Variants in TSPAN1 observed in about 807,000 individuals in gnomAD.
TSPAN1 encodes tetraspanin 1.
A neutral mutation model predicts 26.9 loss-of-function variants in TSPAN1; 23 were observed. The observed-to-expected ratio is 0.85, with a 90% CI of 0.62 to 1.21. TSPAN1 has a LOEUF of 1.21. Among genes scored for constraint, TSPAN1 ranks in the 50% most tolerant of loss-of-function variants. The probability of loss-of-function intolerance (pLI) is 0.00; values close to 1 mark genes in which losing one functional copy is unlikely to be tolerated. For synonymous variants in TSPAN1, 115 were observed against 114.8 expected, an observed-to-expected ratio of 1.00 and a Z score of -0.01; for missense variants, 283 against 298.4, an observed-to-expected ratio of 0.95 and a Z score of 0.38.
At chr1:46,192,756 G>A in the TSPAN1 span, 57 of 1,580,208 alleles carry the variant, frequency 3.6e-5, no homozygotes, top group Non-Finnish European at 2.7e-5. Context: ...TTCAACAGCA[G>A]CCCCAACACC....
chr1:46,195,748 C>G, the TSPAN1 span: 10 of 1,435,796 alleles, frequency 7.0e-6, no homozygotes, highest in Admixed American at 5.9e-5. Context: ...GGCAGAGAAG[C>G]CGGGGCTAGA....
downstream of TSPAN1, chr1:46,190,052 G>A (rs1163443348): frequency 6.3e-7 from 1 of 1,587,844 alleles, no homozygotes; most frequent in Middle Eastern, 1.8e-4. Context: ...TGTCCCACAG[G>A]ACCCTGTACT....
downstream of TSPAN1, chr1:46,189,899 T>G (rs1334385300): frequency 6.2e-7 from 1 of 1,613,952 alleles, no homozygotes; most frequent in East Asian, 2.2e-5. Context: ...CTTTCTCCAT[T>G]CGAATAAAGG....
In TSPAN1 at chr1:46,181,114, T is replaced by C. The variant is rs748425508; in HGVS notation, c.7T>C (p.Cys3Arg). 14 of 1,613,834 alleles carry C rather than the reference T, an allele frequency of 8.7e-6. No homozygotes were observed. The Admixed American group carries it at 2.3e-4, about 27-fold the overall frequency. MQ[C>R]FSFIKTMMIL... is the part of the protein sequence containing the mutation. ...CTACCTCCCAGGAGCCACCATGCAG[T>C]GCTTCAGCTTCATTAAGACCATGAT... The change falls in exon 3 of 9, where the codon TGC becomes CGC. Residue 3 changes from cysteine (C) to arginine (R), a missense_variant. By Grantham distance (180) the Cys-to-Arg change is radical. Transcript: ENST00000372003.
chr1:46,187,467 C>G (rs1388697636), downstream of TSPAN1, among the ~76,000 whole-genome samples: 1 of 152,156 alleles, frequency 6.6e-6, no homozygotes, highest in East Asian at 1.9e-4. Flanking sequence ...CTGAGCTTTT[C>G]CAGGGCAGCC....
chr1:46,190,430 G>T, downstream of TSPAN1: 1 of 1,537,502 alleles, frequency 6.5e-7, no homozygotes, highest in South Asian at 1.1e-5. Flanking sequence ...CCCAGTATTT[G>T]ACTCTTTGCT....
At chr1:46,184,488 C>A in intron 4 of TSPAN1, 91 bp downstream of exon 4, 1 of 1,605,238 alleles carries the variant, frequency 6.2e-7, no homozygotes, top group Non-Finnish European at 8.5e-7. Flanking sequence ...GCTTTGGACC[C>A]CCCTAGGCTC....
At position 46,185,791 on chromosome 1, in the gene TSPAN1, C is replaced by T; in HGVS notation, c.*258C>T. 1 of 573,456 alleles carries T rather than the reference C, an allele frequency of 1.7e-6. No individual in the cohort carries two copies. Among genetic ancestry groups the T allele is most frequent in the Middle Eastern group, 4.7e-4 (1 of 2,140 alleles). 35.5% of individuals were successfully genotyped at this position (573,456 alleles called of 1,614,324 possible). Reference sequence around the variant, plus strand: ...GGTAGCCAGTTCTGTTGCCCATTCCCCCAGTCTATTAAACCCTTGATATGC... The same window carrying T: ...GGTAGCCAGTTCTGTTGCCCATTCCTCCAGTCTATTAAACCCTTGATATGC... On this transcript the variant is annotated 3_prime_UTR_variant, in exon 9 of 9. Coordinates refer to ENST00000372003, the MANE Select transcript of TSPAN1 (RefSeq NM_005727.4).
the TSPAN1 span, chr1:46,194,049 C>T: frequency 6.4e-7 from 1 of 1,551,662 alleles, no homozygotes; most frequent in Non-Finnish European, 8.7e-7. Context: ...GATAGAGGAT[C>T]TTCCCTGTTC....
intron 1 of TSPAN1, chr1:46,176,301 A>T (rs1657157231): frequency 1.3e-6 from 2 of 1,535,784 alleles, no homozygotes; most frequent in Non-Finnish European, 1.7e-6. Context: ...TGGTGGCAGG[A>T]TTGATGGCTG....
At chr1:46,195,796 G>A in the TSPAN1 span, 115 of 1,574,116 alleles carry the variant, frequency 7.3e-5, no homozygotes, top group African/African-American at 1.4e-3. Context: ...TCAGGGTCAG[G>A]ACAGAATAAC....
At chr1:46,184,925 G>T in intron 6 of TSPAN1, 35 bp from the exon 7 acceptor site, 2 of 1,614,084 alleles carry the variant, frequency 1.2e-6, no homozygotes, top group African/African-American at 2.7e-5. Context: ...AGAGAAAGAA[G>T]CAAGGCCCCA....
chr1:46,196,175 C>T, the TSPAN1 span: 680 of 1,588,766 alleles, frequency 4.3e-4, 4 homozygotes, highest in Non-Finnish European at 2.7e-5. The surrounding 1 kb of genome is among the most constrained non-coding windows in gnomAD (Gnocchi z 4.4). Flanking sequence ...GAAACATCAC[C>T]TCCTGCCTAT....
At chr1:46,183,971 C>T in intron 3 of TSPAN1, 5 of 598,278 alleles carry the variant, frequency 8.4e-6, no homozygotes, top group Non-Finnish European at 1.5e-5. Context: ...CCCTGATCTC[C>T]TTTATATCTG....
Position 46,184,801 on chromosome 1 carries a change from CG to C in TSPAN1, c.357del (p.Leu120CysfsTer3), listed in dbSNP as rs776058739. Reference sequence around the variant, plus strand: ...CTCACCCAGGCTGAGCACTTCCTGACGTTGCTGGTAGTGCCTGCCATCAAGA... The same window carrying C: ...CTCACCCAGGCTGAGCACTTCCTGACTTGCTGGTAGTGCCTGCCATCAAGA... ...VYTTMAEHFL[T>X]LLVVPAIKKD... On this transcript the variant is annotated frameshift_variant, in exon 6 of 9. Transcript: ENST00000372003. LOFTEE classifies it high-confidence loss of function. 1 of 1,614,170 alleles carries C rather than the reference CG, an allele frequency of 6.2e-7. No individual in the cohort carries two copies. The highest frequency in any genetic ancestry group is 8.5e-7 in the Non-Finnish European group (1 of 1,180,024).
chr1:46,184,633 G>T lies in TSPAN1; in HGVS notation c.304G>T (p.Ala102Ser). ...CCTCCTCATCTTCATTGCTGAGGTT[G>T]CAGCTGCTGTGGTCGCCTTGGTGTA... ...ILLLIFIAEV[A>S]AAVVALVYTT... Residue 102 changes from alanine to serine, a missense_variant, in exon 5 of 9, where the codon GCA (alanine) becomes TCA (serine). Physicochemically the swap from Ala to Ser is moderately conservative, Grantham distance 99. Transcript: ENST00000372003. 6.2e-7 allele frequency: 1 copy of T among 1,614,222 alleles called. No homozygotes were observed. The highest frequency in any genetic ancestry group is 8.5e-7 in the Non-Finnish European group (1 of 1,180,044).
At chr1:46,196,183 T>C in the TSPAN1 span, 2 of 1,574,728 alleles carry the variant, frequency 1.3e-6, no homozygotes, top group Non-Finnish European at 1.7e-6. This position sits in a 1 kb window ranked among gnomAD's most constrained non-coding sequence, Gnocchi z 4.4. Flanking sequence ...ACCTCCTGCC[T>C]ATGTTTCTGT....
intron 1 of TSPAN1, among the ~76,000 whole-genome samples, chr1:46,176,036 C>T (rs1372502902): frequency 6.6e-6 from 1 of 152,148 alleles, no homozygotes; most frequent in East Asian, 1.9e-4. Context: ...CCACGCCCGG[C>T]TAATTTTTTT....
intron 1 of TSPAN1, chr1:46,176,302 T>C (rs761836392): frequency 2.2e-5 from 34 of 1,535,804 alleles, no homozygotes; most frequent in Middle Eastern, 3.3e-4. Context: ...GGTGGCAGGA[T>C]TGATGGCTGC....
Sources: gnomAD v4.1 joint callset for allele counts (sites outside exome capture counted in the v4.1 genomes callset) on GRCh38, gnomAD v4.1.1 for gene constraint, Gnocchi (gnomAD v3.1) non-coding constraint, MANE v1.5 for transcripts, NCBI Gene and HGNC (gene_info 2026-07-23, HGNC 2026-07-21) for gene names.